The following SLC22A4 variants were observed in gnomAD, a reference collection of about 807,000 sequenced individuals.
SLC22A4 encodes the protein solute carrier family 22 member 4.
A neutral mutation model predicts 56.6 loss-of-function variants in SLC22A4; 39 were observed. The ratio of observed to expected loss-of-function variants is 0.69; its 90% CI spans 0.53 to 0.90. The LOEUF is 0.90. Among genes scored for constraint, SLC22A4 ranks in the 40% least tolerant of loss-of-function variants. SLC22A4 has a pLI of 0.00. For missense variants in SLC22A4, 594 were observed against 696.5 expected (o/e 0.85, Z 1.66); for synonymous variants, 241 against 281.4 (o/e 0.86, Z 1.44).
intron 1 of SLC22A4, chr5:132,295,624 G>A (rs954849605): frequency 1.6e-5 from 4 of 256,188 alleles, no homozygotes; most frequent in Admixed American, 5.1e-5. Flanking sequence ...AGCACAGGGT[G>A]AGTTGGCAGG....
intron 8 of SLC22A4, among the ~76,000 whole-genome samples, chr5:132,337,269 CTT>C (rs66717474): frequency 2.1e-5 from 1 of 48,244 alleles, no homozygotes; most frequent in Non-Finnish European, 4.0e-5. Flanking sequence ...TAAAGATTAC[CTT>C]TTTTTTTTTT....
intron 1 of SLC22A4, 170 bp downstream of exon 1, chr5:132,295,179 C>T: frequency 1.2e-6 from 1 of 801,022 alleles, no homozygotes; most frequent in South Asian, 1.5e-5. Context: ...AGGACTCACG[C>T]GAGGCGCATT....
At chr5:132,330,521 T>C (rs1561545361) in intron 5 of SLC22A4, among the ~76,000 whole-genome samples, 1 of 151,500 alleles carries the variant, frequency 6.6e-6, no homozygotes, top group South Asian at 2.1e-4. Context: ...AAGTCAGGAG[T>C]TTGAGACCAG....
At chr5:132,299,711 C>T (rs1383895098) in intron 1 of SLC22A4, among the ~76,000 whole-genome samples, 1 of 152,166 alleles carries the variant, frequency 6.6e-6, no homozygotes, top group African/African-American at 2.4e-5. Context: ...GCCTCGGCCT[C>T]CCAAAGTGTT....
At chr5:132,306,635 A>AGGGT (rs567315260) in intron 1 of SLC22A4, among the ~76,000 whole-genome samples, 1 of 151,248 alleles carries the variant, frequency 6.6e-6, no homozygotes, top group Non-Finnish European at 1.5e-5. Context: ...TAGTAGAGAC[A>AGGGT]GGGTTTCACC....
At chr5:132,340,486 C>T (rs1751179803) in intron 8 of SLC22A4, 79 bp from the exon 9 acceptor site, 2 of 1,350,428 alleles carry the variant, frequency 1.5e-6, no homozygotes, top group African/African-American at 1.4e-5. Flanking sequence ...TACTGTTCAC[C>T]AACTTCACAA....
chr5:132,318,889 C>T (rs779860373), intron 3 of SLC22A4, among the ~76,000 whole-genome samples: 3 of 152,162 alleles, frequency 2.0e-5, no homozygotes, highest in African/African-American at 7.2e-5. Context: ...CCCGTCAGCA[C>T]AGCAGGAGTC....
At chr5:132,305,026 C>T (rs1321407724) in intron 1 of SLC22A4, among the ~76,000 whole-genome samples, 1 of 152,222 alleles carries the variant, frequency 6.6e-6, no homozygotes, top group African/African-American at 2.4e-5. Context: ...AGGAGGATTG[C>T]TTAAGCCCAG....
chr5:132,324,940 A>G (rs947370169), intron 4 of SLC22A4, among the ~76,000 whole-genome samples: 1 of 152,224 alleles, frequency 6.6e-6, no homozygotes, highest in African/African-American at 2.4e-5. Flanking sequence ...AATGGGAGGT[A>G]AACCTACATA....
intron 2 of SLC22A4, among the ~76,000 whole-genome samples, chr5:132,313,027 C>T (rs762158121): frequency 1.2e-4 from 18 of 152,366 alleles, no homozygotes; most frequent in Non-Finnish European, 2.2e-4. Flanking sequence ...CACCAACAGA[C>T]ATTGCTGAAA....
chr5:132,322,253 T>C lies in SLC22A4; in HGVS notation c.722T>C (p.Val241Ala). 6 of 1,613,964 alleles carry C rather than the reference T, an allele frequency of 3.7e-6. No homozygotes were observed. Among genetic ancestry groups the C allele is most frequent in the Non-Finnish European group, 5.1e-6 (6 of 1,179,810 alleles). The stretch of plus-strand genomic sequence containing the variant: ...TTAGGAGTGTGCACATTTTTTGCAG[T>C]TGGCTATATGCTGCTGCCACTGTTT... ...STLGVCTFFAVGYMLLPLFAY... is the reference protein window; with the variant it reads ...STLGVCTFFAAGYMLLPLFAY... Residue 241 changes from valine (V) to alanine (A), a missense_variant, in exon 4 of 10, where the codon GTT becomes GCT. Val to Ala is a moderately conservative substitution (Grantham distance 64, BLOSUM62 0). Coordinates refer to ENST00000200652, the MANE Select transcript of SLC22A4 (RefSeq NM_003059.3).
rs375225322 is a variant in SLC22A4 at position 132,340,591 on chromosome 5, A to G, written c.1471A>G (p.Ile491Val). The part of the protein sequence containing the change: ...LGAYNRMLPY[I>V]VMGSLTVLIG... Reference sequence around the variant, plus strand: ...TGCTTACAACAGAATGCTGCCCTACATCGTCATGGGTAGTCTGACTGTCCT... The same window carrying G: ...TGCTTACAACAGAATGCTGCCCTACGTCGTCATGGGTAGTCTGACTGTCCT... Residue 491 changes from isoleucine (I) to valine (V), a missense_variant, in exon 9 of 10, where the codon ATC becomes GTC. Physicochemically the swap from Ile to Val is conservative, Grantham distance 29. Transcript: ENST00000200652. 8.7e-6 allele frequency: 14 copies of G among 1,613,922 alleles called. No homozygotes were observed. The African/African-American group carries it at 1.2e-4, about 14-fold the overall frequency.
At position 132,322,206 on chromosome 5, in the gene SLC22A4, A is replaced by C. The variant is rs775346954; in HGVS notation, c.675A>C (p.Ser225=). ...CAGGAACAGAAATTCTTGGCAAGTCAGTTCGTATTATATTCTCTACATTAG... is the reference window on the plus strand; with the variant it reads ...CAGGAACAGAAATTCTTGGCAAGTCCGTTCGTATTATATTCTCTACATTAG... ...FILGTEILGK[S]VRIIFSTLGV... Residue 225 remains serine, a synonymous_variant, in exon 4 of 10, where the codon TCA becomes TCC. Coordinates refer to ENST00000200652, the MANE Select transcript of SLC22A4 (RefSeq NM_003059.3). 1.2e-6 allele frequency: 2 copies of C among 1,613,066 alleles called. No individual in the cohort carries two copies. Among genetic ancestry groups the C allele is most frequent in the Admixed American group, 3.3e-5 (2 of 60,014 alleles).
intron 3 of SLC22A4, among the ~76,000 whole-genome samples, chr5:132,319,740 C>T (rs568068141): frequency 6.6e-6 from 1 of 152,236 alleles, no homozygotes; most frequent in South Asian, 2.1e-4. Context: ...TTACAGGTGC[C>T]TGCCACCATG....
At chr5:132,327,092 C>G (rs1432837407) in intron 4 of SLC22A4, among the ~76,000 whole-genome samples, 185 bp from the exon 5 acceptor site, 4 of 152,192 alleles carry the variant, frequency 2.6e-5, no homozygotes, top group Non-Finnish European at 4.4e-5. Context: ...ATAATTTGAT[C>G]AGAAGTTTGA....
At chr5:132,297,988 A>G (rs1211797283) in intron 1 of SLC22A4, among the ~76,000 whole-genome samples, 1 of 152,178 alleles carries the variant, frequency 6.6e-6, no homozygotes, top group Admixed American at 6.5e-5. Flanking sequence ...AGAAAATAAC[A>G]AGTGTTAGTG....
At chr5:132,338,521 C>T (rs1165490244) in intron 8 of SLC22A4, among the ~76,000 whole-genome samples, 1 of 152,164 alleles carries the variant, frequency 6.6e-6, no homozygotes, top group African/African-American at 2.4e-5. Flanking sequence ...TCCTAACAAG[C>T]CTGGGAGTGC....
At chr5:132,310,414 C>A (rs1255259342) in intron 1 of SLC22A4, among the ~76,000 whole-genome samples, 1 of 152,202 alleles carries the variant, frequency 6.6e-6, no homozygotes, top group Non-Finnish European at 1.5e-5. Context: ...AGGCACACGT[C>A]CTGTTTACCA....
At chr5:132,321,362 G>T (rs1440311588) in intron 3 of SLC22A4, among the ~76,000 whole-genome samples, 1 of 152,142 alleles carries the variant, frequency 6.6e-6, no homozygotes, top group African/African-American at 2.4e-5. Flanking sequence ...GGGTAAGTGT[G>T]CCCTGAGGTC....
Sources: gnomAD v4.1 joint callset for allele counts (sites outside exome capture counted in the v4.1 genomes callset) on GRCh38, gnomAD v4.1.1 for gene constraint, MANE v1.5 for transcripts, NCBI Gene and HGNC (gene_info 2026-07-23, HGNC 2026-07-21) for gene names.